Variants in CASP10 observed in about 807,000 individuals in gnomAD.
CASP10 encodes the protein caspase 10.
In CASP10, 41 loss-of-function variants were observed where a neutral mutation model predicts 48.5. That is an observed-to-expected ratio of 0.85 (90% confidence interval 0.66 to 1.10). The LOEUF (loss-of-function observed/expected upper bound fraction) is 1.10, where lower values mean the gene tolerates loss of function less well. CASP10 is among the 50% of genes least tolerant of loss of function. The pLI is 0.00. For missense variants in CASP10, 614 were observed against 614.5 expected, an observed-to-expected ratio of 1.00 and a Z score of 0.01; for synonymous variants, 232 against 238.4, an observed-to-expected ratio of 0.97 and a Z score of 0.25.
chr2:201,185,190 C>T (rs980308125), intron 1 of CASP10, among the ~76,000 whole-genome samples: 4 of 152,036 alleles, frequency 2.6e-5, no homozygotes, highest in Non-Finnish European at 5.9e-5. Flanking sequence ...GACCAGGTCT[C>T]GCCATGTTGC....
chr2:201,206,600 A>G (rs1423458942), intron 7 of CASP10, among the ~76,000 whole-genome samples: 2 of 147,094 alleles, frequency 1.4e-5, no homozygotes, highest in Non-Finnish European at 3.0e-5. Flanking sequence ...TATTAAGTGT[A>G]TATATATATA....
chr2:201,215,697 A>C (rs1945547761), intron 9 of CASP10, among the ~76,000 whole-genome samples: 1 of 151,970 alleles, frequency 6.6e-6, no homozygotes, highest in African/African-American at 2.4e-5. Context: ...GGATGCCTCC[A>C]GTTTTGTTCT....
chr2:201,208,247 C>G, intron 8 of CASP10, 64 bp downstream of exon 8: 6 of 1,559,070 alleles, frequency 3.8e-6, no homozygotes, highest in Non-Finnish European at 5.2e-6. Flanking sequence ...TTTTTATTTT[C>G]ACATTTTCTT....
intron 5 of CASP10, chr2:201,200,712 A>G: frequency 7.8e-7 from 1 of 1,283,136 alleles, no homozygotes; most frequent in Non-Finnish European, 9.9e-7. Flanking sequence ...CTTAATTAAA[A>G]GAAATGGTAA....
At chr2:201,196,933 T>C (rs1477207292) in intron 5 of CASP10, among the ~76,000 whole-genome samples, 2 of 152,160 alleles carry the variant, frequency 1.3e-5, no homozygotes, top group African/African-American at 4.8e-5. Context: ...AACCATACAA[T>C]ATTTGTTCGT....
chr2:201,185,692 T>C, intron 1 of CASP10, 79 bp from the exon 2 acceptor site: 1 of 879,720 alleles, frequency 1.1e-6, no homozygotes, highest in Non-Finnish European at 2.0e-6. Flanking sequence ...AAGGTTGTGG[T>C]GAGGGGAGGG....
At chr2:201,192,907 A>G in intron 3 of CASP10, 77 bp from the exon 4 acceptor site, 2 of 1,457,046 alleles carry the variant, frequency 1.4e-6, no homozygotes, top group Non-Finnish European at 1.9e-6. Context: ...CCTAGTGCCT[A>G]CTGGCCATGC....
In CASP10 at chr2:201,200,619, G is replaced by T. The variant is rs975728646; in HGVS notation, c.685-3111G>T. On this transcript the variant is annotated intron_variant, in intron 5 of 9. Transcript: ENST00000286186. ...TCGGCTCTGCCCTGAACCTCATTCGGCAGGTGGAGGTATTTAGGCATTTGA... is the reference window on the plus strand; with the variant it reads ...TCGGCTCTGCCCTGAACCTCATTCGTCAGGTGGAGGTATTTAGGCATTTGA... 3 of 1,469,890 alleles carry T rather than the reference G, an allele frequency of 2.0e-6. No individual in the cohort carries two copies. In the African/African-American group the frequency reaches 4.3e-5, roughly 21 times the overall value. The allele number at this position is 1,469,890 out of a possible 1,614,324, so 91.1% of individuals were successfully genotyped here. A position where few individuals can be genotyped will look rare whatever the true frequency, so the allele number is the denominator to read the frequency against.
At chr2:201,209,809 A>G (rs1426749682) in intron 9 of CASP10, among the ~76,000 whole-genome samples, 1 of 151,986 alleles carries the variant, frequency 6.6e-6, no homozygotes, top group Non-Finnish European at 1.5e-5. Flanking sequence ...CCATCCAGCA[A>G]CCTTGTATTG....
At chr2:201,223,756 G>T (rs1299495767), downstream of CASP10, among the ~76,000 whole-genome samples, 1 of 152,116 alleles carries the variant, frequency 6.6e-6, no homozygotes, top group Admixed American at 6.6e-5. Flanking sequence ...CAACACATTT[G>T]TATCTTTGAA....
chr2:201,193,148 C>T (rs376619426), intron 4 of CASP10, 29 bp downstream of exon 4: 3 of 1,608,194 alleles, frequency 1.9e-6, no homozygotes, highest in African/African-American at 2.7e-5. Flanking sequence ...CTAACTTGGA[C>T]CAGACCATGG....
At chr2:201,189,543 G>C (rs1559295128) in intron 3 of CASP10, among the ~76,000 whole-genome samples, 2 of 152,106 alleles carry the variant, frequency 1.3e-5, no homozygotes, top group Non-Finnish European at 2.9e-5. Context: ...GGGGATTACA[G>C]GCATGAACCA....
chr2:201,217,989 C>CT lies in CASP10; in HGVS notation c.*249dup. 1.9e-6 allele frequency: 2 copies of CT among 1,069,130 alleles called. No homozygotes were observed. The highest frequency in any genetic ancestry group is 2.5e-6 in the Non-Finnish European group (2 of 812,470). 66.2% of individuals were successfully genotyped at this position (1,069,130 alleles called of 1,614,324 possible). A position where few individuals can be genotyped will look rare whatever the true frequency, so the allele number is the denominator to read the frequency against. On this transcript the variant is annotated 3_prime_UTR_variant, in exon 10 of 10. Transcript: ENST00000286186. The stretch of plus-strand genomic sequence containing the variant: ...AGTGCAGGGGGGCAATCACGGCTCA[C>CT]TGTAGTCTCGACCTCCCAGGCTCAA...
At chr2:201,222,194 T>C (rs2126066861), downstream of CASP10, among the ~76,000 whole-genome samples, 1 of 151,986 alleles carries the variant, frequency 6.6e-6, no homozygotes, top group South Asian at 2.1e-4. Context: ...TGTTTCTCTC[T>C]TTCCCCTTCC....
chr2:201,219,084 A>T lies in CASP10; in HGVS notation c.*1343A>T, dbSNP rs1945655720. On this transcript the variant is annotated 3_prime_UTR_variant, in exon 10 of 10. Coordinates refer to ENST00000286186, the MANE Select transcript of CASP10 (RefSeq NM_032977.4). ...CAGGAGTTCGAGACCAGCCTGGCCA[A>T]TACGGCAAAACCTCATCATTACTAA... 1.5e-6 allele frequency: 1 copy of T among 674,208 alleles called. No individual in the cohort carries two copies. Among genetic ancestry groups the T allele is most frequent in the African/African-American group, 2.0e-5 (1 of 51,140 alleles). 41.8% of individuals were successfully genotyped at this position (674,208 alleles called of 1,614,324 possible). A position where few individuals can be genotyped will look rare whatever the true frequency, so the allele number is the denominator to read the frequency against.
At chr2:201,207,881 A>G (rs893268219) in intron 7 of CASP10, among the ~76,000 whole-genome samples, 194 bp from the exon 8 acceptor site, 7 of 152,150 alleles carry the variant, frequency 4.6e-5, no homozygotes, top group African/African-American at 1.7e-4. Context: ...GGGCAACAAG[A>G]GTGAGACTCC....
chr2:201,217,702 A>G lies in CASP10; in HGVS notation c.1530A>G (p.Lys510=). 6.2e-7 allele frequency: 1 copy of G among 1,614,046 alleles called. No homozygotes were observed. The highest frequency in any genetic ancestry group is 8.5e-7 in the Non-Finnish European group (1 of 1,179,954). The change falls in exon 10 of 10, where the codon AAA becomes AAG. Residue 510 remains lysine, a synonymous_variant. Transcript: ENST00000286186. Reference sequence around the variant, plus strand: ...AGCCTGCTTTCACACTAAGGAAAAAACTAGTATTCCCTGTGCCCCTGGATG... The same window carrying G: ...AGCCTGCTTTCACACTAAGGAAAAAGCTAGTATTCCCTGTGCCCCTGGATG... ...MPQPAFTLRK[K]LVFPVPLDAL...
At chr2:201,187,004 A>G (rs771099550) in intron 2 of CASP10, among the ~76,000 whole-genome samples, 82 of 152,160 alleles carry the variant, frequency 5.4e-4, no homozygotes, top group South Asian at 2.1e-4. Context: ...AGTGTTTAAA[A>G]TTGTTCACTG....
chr2:201,206,684 A>T (rs910459564), intron 7 of CASP10, among the ~76,000 whole-genome samples: 2 of 150,934 alleles, frequency 1.3e-5, no homozygotes, highest in African/African-American at 4.9e-5. Context: ...CTTGTCCTGA[A>T]CTCTCAGGCT....
Sources: allele counts gnomAD v4.1 joint callset (sites outside exome capture counted in the v4.1 genomes callset), GRCh38; gene constraint gnomAD v4.1.1; transcripts MANE v1.5; gene names NCBI Gene and HGNC (gene_info 2026-07-23, HGNC 2026-07-21).